FAS: variants seen among roughly 807,000 people sequenced by gnomAD.
FAS encodes tumor necrosis factor receptor superfamily member 6.
A neutral mutation model predicts 33.2 loss-of-function variants in FAS; 5 were observed. The ratio of observed to expected loss-of-function variants is 0.15; its 90% CI spans 0.08 to 0.32. The LOEUF is 0.32. FAS is among the 10% of genes least tolerant of loss of function. The pLI is 1.00. For synonymous variants in FAS, 131 were observed against 130.7 expected, an observed-to-expected ratio of 1.00 and a Z score of -0.01; for missense variants, 339 against 386.0, an observed-to-expected ratio of 0.88 and a Z score of 1.02.
chr10:89,008,655 G>A (rs959829325), intron 3 of FAS, among the ~76,000 whole-genome samples: 1 of 152,166 alleles, frequency 6.6e-6, no homozygotes, highest in Non-Finnish European at 1.5e-5. Flanking sequence ...AGAGGAACAG[G>A]GGAGACGTCT....
chr10:88,968,118 G>A (rs1846353709), intron 1 of FAS, among the ~76,000 whole-genome samples: 2 of 152,032 alleles, frequency 1.3e-5, no homozygotes, highest in South Asian at 2.1e-4. Context: ...AGTAGTTTCT[G>A]TGTTTGCAGT....
intron 3 of FAS, among the ~76,000 whole-genome samples, chr10:89,008,484 C>T (rs904100223): frequency 2.0e-5 from 3 of 152,180 alleles, no homozygotes; most frequent in African/African-American, 4.8e-5. Context: ...TAGGTCCCAT[C>T]TCAGGGCAAT....
At chr10:88,975,633 G>A (rs553215575) in intron 2 of FAS, among the ~76,000 whole-genome samples, 1 of 151,988 alleles carries the variant, frequency 6.6e-6, no homozygotes, top group East Asian at 1.9e-4. Context: ...TAAGTTCCAT[G>A]AGAGTAGGAT....
chr10:89,004,144 T>C (rs1005937562), intron 2 of FAS, among the ~76,000 whole-genome samples: 5 of 152,242 alleles, frequency 3.3e-5, no homozygotes, highest in Non-Finnish European at 7.3e-5. Context: ...CAATTTGCTC[T>C]ATGAATTGAA....
At chr10:88,996,279 T>TG (rs902361719) in intron 1 of FAS, among the ~76,000 whole-genome samples, 3 of 151,748 alleles carry the variant, frequency 2.0e-5, no homozygotes, top group Admixed American at 2.0e-4. Context: ...TTGTTGTTGT[T>TG]TTTTTTCATG....
chr10:88,968,205 G>A (rs182486099), intron 1 of FAS, among the ~76,000 whole-genome samples: 17 of 152,232 alleles, frequency 1.1e-4, no homozygotes, highest in Non-Finnish European at 1.5e-4. Flanking sequence ...GAAATGTTAC[G>A]TATAGACATC....
chr10:88,974,913 C>G (rs1174767545), intron 2 of FAS: 1 of 152,128 alleles, frequency 6.6e-6, no homozygotes, highest in Non-Finnish European at 1.5e-5. Context: ...TAATACTGTA[C>G]AGATCAGCCA....
At chr10:88,984,116 G>A (rs72809355), upstream of FAS, among the ~76,000 whole-genome samples, 518 of 152,326 alleles carry the variant, frequency 3.4e-3, 2 homozygotes, top group Admixed American at 7.6e-3. Context: ...CTGTTTATAA[G>A]TAGTGTTCTT....
At chr10:88,970,454 C>T (rs11202914) in intron 1 of FAS, among the ~76,000 whole-genome samples, 49,075 of 151,924 alleles carry the variant, frequency 0.32, 8,545 homozygotes, top group Non-Finnish European at 0.39. Flanking sequence ...TTGAGGAGGG[C>T]GTTCAGTTAG....
At chr10:89,002,178 G>T (rs548134323) in intron 1 of FAS, among the ~76,000 whole-genome samples, 1 of 152,294 alleles carries the variant, frequency 6.6e-6, no homozygotes, top group Non-Finnish European at 1.5e-5. Context: ...GGAGTTGTTT[G>T]CATACCTAGA....
intron 1 of FAS, chr10:88,991,211 A>G: frequency 1.8e-6 from 1 of 549,150 alleles, no homozygotes; most frequent in Non-Finnish European, 3.3e-6. Context: ...CTCCACGTTG[A>G]GGTGGGCGTG....
chr10:88,983,701 A>ATC (rs1320715151), upstream of FAS, among the ~76,000 whole-genome samples: 1 of 149,620 alleles, frequency 6.7e-6, no homozygotes, highest in Non-Finnish European at 1.5e-5. Flanking sequence ...TATTACTGAT[A>ATC]TCTTATTTTT....
At chr10:89,011,022 C>A in intron 6 of FAS, 1 of 634,026 alleles carries the variant, frequency 1.6e-6, no homozygotes, top group Non-Finnish European at 2.8e-6. Context: ...AGTTTTGGGG[C>A]ATTGAGTGGT....
intron 3 of FAS, among the ~76,000 whole-genome samples, 197 bp downstream of exon 3, chr10:89,008,034 A>G (rs1848333433): frequency 6.6e-6 from 1 of 152,224 alleles, no homozygotes; most frequent in South Asian, 2.1e-4. Flanking sequence ...AGTCTAGGCA[A>G]TTCTTCCAGA....
chr10:88,993,007 C>T (rs1039419442), intron 1 of FAS, among the ~76,000 whole-genome samples: 3 of 152,190 alleles, frequency 2.0e-5, no homozygotes, highest in South Asian at 2.1e-4. Context: ...TATTAATGGG[C>T]TGGACATAGA....
intron 2 of FAS, among the ~76,000 whole-genome samples, chr10:88,979,373 T>C (rs1292684250): frequency 5.9e-5 from 9 of 152,180 alleles, no homozygotes. Flanking sequence ...ACCAGATTCC[T>C]GCTGACTTCA....
chr10:88,986,911 TA>T (rs148583273), upstream of FAS, among the ~76,000 whole-genome samples: 5,920 of 152,308 alleles, frequency 0.039, 156 homozygotes, highest in Middle Eastern at 0.061. Flanking sequence ...AAGTAAAAAT[TA>T]GTATTTATTG....
intron 4 of FAS, 77 bp downstream of exon 4, chr10:89,009,074 A>T (rs1371840149): frequency 1.5e-6 from 2 of 1,302,568 alleles, no homozygotes; most frequent in Non-Finnish European, 2.2e-6. Flanking sequence ...AGTAACACTG[A>T]CTGAGAGTTA....
At chr10:88,968,977 C>T (rs1289305589) in intron 1 of FAS, among the ~76,000 whole-genome samples, 1 of 151,994 alleles carries the variant, frequency 6.6e-6, no homozygotes, top group Admixed American at 6.6e-5. Context: ...CCCCCAACCC[C>T]CACCCCGCAA....
Sources: allele counts gnomAD v4.1 joint callset (sites outside exome capture counted in the v4.1 genomes callset), GRCh38; gene constraint gnomAD v4.1.1; transcripts MANE v1.5; gene names NCBI Gene and HGNC (gene_info 2026-07-23, HGNC 2026-07-21).